The following USP34 variants were observed in gnomAD, a reference collection of about 807,000 sequenced individuals.
USP34 encodes the protein ubiquitin specific peptidase 34.
In USP34, 70 loss-of-function variants were observed where a neutral mutation model predicts 460.3. The observed-to-expected ratio is 0.15, with a 90% CI of 0.13 to 0.19. The LOEUF (loss-of-function observed/expected upper bound fraction) is 0.19. Among genes scored for constraint, USP34 ranks in the 10% least tolerant of loss-of-function variants. The pLI is 1.00. For missense variants in USP34, 3,985 were observed against 4,236.2 expected (o/e 0.94, Z 1.65); for synonymous variants, 1,647 against 1,405.3 (o/e 1.17, Z -3.85).
At chr2:61,458,387 C>G (rs933134343) in intron 1 of USP34, among the ~76,000 whole-genome samples, 1 of 151,574 alleles carries the variant, frequency 6.6e-6, no homozygotes, top group African/African-American at 2.4e-5. Context: ...ATGGTGAAAC[C>G]CTGTCTCTAC....
intron 30 of USP34, among the ~76,000 whole-genome samples, chr2:61,296,121 T>C (rs1690021175): frequency 6.6e-6 from 1 of 152,068 alleles, no homozygotes; most frequent in Admixed American, 6.6e-5. Flanking sequence ...GAGCCAGGCA[T>C]GGTGCACACG....
chr2:61,450,837 T>G (rs978730783), intron 1 of USP34, among the ~76,000 whole-genome samples: 1 of 129,864 alleles, frequency 7.7e-6, no homozygotes, highest in East Asian at 2.2e-4. Context: ...ACCCCACTTA[T>G]AAACATAATC....
Position 61,246,425 on chromosome 2 carries a change from G to C in USP34, c.6447C>G (p.Asp2149Glu). 1 of 1,607,320 alleles carries C rather than the reference G, an allele frequency of 6.2e-7. No homozygotes were observed. Among genetic ancestry groups the C allele is most frequent in the Non-Finnish European group, 8.5e-7 (1 of 1,176,198 alleles). Reference sequence around the variant, plus strand: ...CTGTGTGAACAGTCACTCCTATCAAGTCATATTCATAGCTCTCTGAGTCTT... The same window carrying C: ...CTGTGTGAACAGTCACTCCTATCAACTCATATTCATAGCTCTCTGAGTCTT... ...HSKDSESYEY[D>E]LIGVTVHTGT... Residue 2149 changes from aspartate (D) to glutamate (E), a missense_variant, in exon 50 of 80, where the codon GAC becomes GAG. By Grantham distance (45) the Asp-to-Glu change is conservative. Coordinates refer to ENST00000398571, the MANE Select transcript of USP34 (RefSeq NM_014709.4).
intron 5 of USP34, among the ~76,000 whole-genome samples, chr2:61,384,500 A>C (rs1693077795): frequency 6.6e-6 from 1 of 151,868 alleles, no homozygotes; most frequent in South Asian, 2.1e-4. Context: ...CTGAAACCCC[A>C]TCTCTACCAA....
intron 7 of USP34, among the ~76,000 whole-genome samples, chr2:61,379,377 G>A (rs532721322): frequency 6.6e-6 from 1 of 152,210 alleles, no homozygotes; most frequent in East Asian, 1.9e-4. Context: ...AAAATTAGCT[G>A]GGTGTTGTGG....
chr2:61,343,663 C>T (rs571185734), intron 16 of USP34, 152 bp downstream of exon 16: 4 of 733,976 alleles, frequency 5.4e-6, no homozygotes, highest in South Asian at 4.0e-5. Flanking sequence ...ATTTAATTCC[C>T]TTGGGGGAAA....
At chr2:61,265,376 T>C (rs1558499036) in intron 43 of USP34, 21 bp downstream of exon 43, 11 of 1,592,694 alleles carry the variant, frequency 6.9e-6, no homozygotes, top group Non-Finnish European at 9.4e-6. Context: ...ATTTTGATTT[T>C]TAAAGTGAGG....
chr2:61,441,319 A>G (rs911446972), intron 1 of USP34, among the ~76,000 whole-genome samples: 3 of 151,776 alleles, frequency 2.0e-5, no homozygotes, highest in Non-Finnish European at 4.4e-5. Flanking sequence ...CTTTGGAATT[A>G]AAGTCACCCA....
chr2:61,243,309 G>A (rs557629490), intron 51 of USP34, among the ~76,000 whole-genome samples: 2 of 151,990 alleles, frequency 1.3e-5, no homozygotes, highest in Admixed American at 1.3e-4. Context: ...ACCACGCCCG[G>A]CTAATTTTTA....
chr2:61,444,564 C>G (rs1473602266), intron 1 of USP34, among the ~76,000 whole-genome samples: 1 of 152,136 alleles, frequency 6.6e-6, no homozygotes, highest in Non-Finnish European at 1.5e-5. Context: ...ATTCAAGAAG[C>G]ACTATGAATC....
At chr2:61,378,913 G>A (rs932108597) in intron 7 of USP34, among the ~76,000 whole-genome samples, 1,875 of 57,978 alleles carry the variant, frequency 0.032, 26 homozygotes, top group South Asian at 0.075. Flanking sequence ...TCAAAAAAAC[G>A]AAAAAAAAAA....
At chr2:61,387,653 TA>T (rs1424084517) in intron 5 of USP34, among the ~76,000 whole-genome samples, 1 of 146,584 alleles carries the variant, frequency 6.8e-6, no homozygotes, top group African/African-American at 2.5e-5. Context: ...TAAAAATATA[TA>T]TTTTACATAT....
intron 10 of USP34, among the ~76,000 whole-genome samples, chr2:61,361,242 C>G (rs1459756330): frequency 6.6e-6 from 1 of 152,106 alleles, no homozygotes; most frequent in African/African-American, 2.4e-5. Flanking sequence ...AAGACCCAGT[C>G]TCTACAAAAC....
chr2:61,257,246 A>G lies in USP34; in HGVS notation c.5949T>C (p.Phe1983=), dbSNP rs751096472. ...CTTCGATTTTGGTAATTAGATCAGT[A>G]AAAAACTCTGTCATATCTTTCTGTT... ...TGEQKDMTEF[F]TDLITKIEEM... Residue 1983 remains phenylalanine, a synonymous_variant, in exon 45 of 80, where the codon TTT becomes TTC. Transcript: ENST00000398571. 3.7e-6 allele frequency: 6 copies of G among 1,612,310 alleles called. No individual in the cohort carries two copies. Among genetic ancestry groups the G allele is most frequent in the Non-Finnish European group, 5.1e-6 (6 of 1,179,162 alleles).
Position 61,470,634 on chromosome 2 carries a change from T to A in USP34, c.43+16A>T. ...CAAACCGTGCACCCCGACAGGCCGC[T>A]ACCGCGGCTACTTACTTTCATTTAA... On this transcript the variant is annotated intron_variant, in intron 1 of 79. Coordinates refer to ENST00000398571, the MANE Select transcript of USP34 (RefSeq NM_014709.4). 2 of 1,581,304 alleles carry A rather than the reference T, an allele frequency of 1.3e-6. No homozygotes were observed. Among genetic ancestry groups the A allele is most frequent in the South Asian group, 2.2e-5 (2 of 89,514 alleles).
chr2:61,349,028 C>T (rs1014483628), intron 13 of USP34, 142 bp from the exon 14 acceptor site: 2 of 1,129,266 alleles, frequency 1.8e-6, no homozygotes, highest in South Asian at 1.8e-5. Context: ...AATATGTTAA[C>T]ATTTGCTCAT....
chr2:61,368,476 C>T (rs982161627), intron 10 of USP34, among the ~76,000 whole-genome samples: 2 of 151,856 alleles, frequency 1.3e-5, no homozygotes, highest in Admixed American at 6.6e-5. Context: ...GCAAGAATTT[C>T]CAAAAACAGA....
chr2:61,399,588 G>A (rs141448521), intron 3 of USP34, among the ~76,000 whole-genome samples: 31 of 151,678 alleles, frequency 2.0e-4, no homozygotes, highest in African/African-American at 6.3e-4. Flanking sequence ...ACGAATTAAC[G>A]GTCCCGGGCG....
intron 27 of USP34, 58 bp from the exon 28 acceptor site, chr2:61,301,512 A>G (rs1299895061): frequency 2.4e-5 from 35 of 1,455,164 alleles, no homozygotes; most frequent in South Asian, 4.7e-5. Context: ...TTACTTGCTG[A>G]TAAGAATATG....
Sources: allele counts gnomAD v4.1 joint callset (sites outside exome capture counted in the v4.1 genomes callset), GRCh38; gene constraint gnomAD v4.1.1; transcripts MANE v1.5; gene names NCBI Gene and HGNC (gene_info 2026-07-23, HGNC 2026-07-21).